TM9SF2: variants seen among roughly 807,000 people sequenced by gnomAD.
The protein encoded by TM9SF2 is transmembrane 9 superfamily member 2, also known as 76 kDa membrane protein.
In TM9SF2, 13 loss-of-function variants were observed where a neutral mutation model predicts 84.9. The observed-to-expected ratio is 0.15, with a 90% CI of 0.10 to 0.24. The LOEUF is 0.24. Among genes scored for constraint, TM9SF2 ranks in the 10% least tolerant of loss-of-function variants. The pLI is 1.00. For synonymous variants in TM9SF2, 273 were observed against 285.8 expected, an observed-to-expected ratio of 0.96 and a Z score of 0.45; for missense variants, 562 against 818.5, an observed-to-expected ratio of 0.69 and a Z score of 3.82.
intron 1 of TM9SF2, among the ~76,000 whole-genome samples, chr13:99,504,545 T>TAAAA (rs1157826042): frequency 6.6e-6 from 1 of 152,228 alleles, no homozygotes; most frequent in Non-Finnish European, 1.5e-5. Flanking sequence ...TTATGTACTG[T>TAAAA]AAAGTTTGTC....
chr13:99,510,859 G>A (rs1373066222), intron 1 of TM9SF2, among the ~76,000 whole-genome samples: 1 of 152,040 alleles, frequency 6.6e-6, no homozygotes, highest in Non-Finnish European at 1.5e-5. Flanking sequence ...GTATTATTTT[G>A]TCATCCAAAA....
At chr13:99,503,709 C>CAAAAAAA (rs386380419) in intron 1 of TM9SF2, among the ~76,000 whole-genome samples, 4 of 78,482 alleles carry the variant, frequency 5.1e-5, no homozygotes, top group Non-Finnish European at 7.6e-5. Flanking sequence ...GACTTTGTCT[C>CAAAAAAA]AAAAAAAAAA....
chr13:99,557,732 A>G (rs756854534), intron 15 of TM9SF2, among the ~76,000 whole-genome samples: 5 of 152,048 alleles, frequency 3.3e-5, no homozygotes, highest in Non-Finnish European at 7.4e-5. Context: ...AAAAAATAAC[A>G]AAATTAGCTG....
intron 16 of TM9SF2, 56 bp from the exon 17 acceptor site, chr13:99,562,635 T>G (rs1268432988): frequency 1.3e-6 from 2 of 1,544,546 alleles, no homozygotes; most frequent in Non-Finnish European, 1.8e-6. Flanking sequence ...TGTATTTTTG[T>G]GTAAAGTATG....
chr13:99,546,889 T>A, intron 10 of TM9SF2, 96 bp from the exon 11 acceptor site: 1 of 1,549,786 alleles, frequency 6.5e-7, no homozygotes, highest in East Asian at 2.3e-5. Context: ...AAGTTGTATT[T>A]TTTTCTTGTT....
At position 99,562,791 on chromosome 13, in the gene TM9SF2, AAATT is replaced by A. The variant is rs2046349776; in HGVS notation, c.*36_*39del. Reference sequence around the variant, plus strand: ...CAGTGTGTCCAGTTAAAACAGAAATAAATTAAACTCTTCATCAACAAAGACCTGT... The same window carrying A: ...CAGTGTGTCCAGTTAAAACAGAAATAAAACTCTTCATCAACAAAGACCTGT... On this transcript the variant is annotated 3_prime_UTR_variant, in exon 17 of 17. Transcript: ENST00000376387. 6.3e-7 allele frequency: 1 copy of A among 1,597,224 alleles called. No homozygotes were observed. Among genetic ancestry groups the A allele is most frequent in the Non-Finnish European group, 8.5e-7 (1 of 1,171,130 alleles).
intron 3 of TM9SF2, among the ~76,000 whole-genome samples, chr13:99,526,932 C>T (rs1255278950): frequency 1.3e-5 from 2 of 151,964 alleles, no homozygotes; most frequent in South Asian, 4.2e-4. Flanking sequence ...TCTGGCCCAG[C>T]GCTGGGGCCT....
intron 12 of TM9SF2, among the ~76,000 whole-genome samples, chr13:99,550,086 A>G (rs1272769110): frequency 6.6e-6 from 1 of 152,182 alleles, no homozygotes; most frequent in East Asian, 1.9e-4. Flanking sequence ...TTTCCTGCAG[A>G]ATCTCCGAAT....
At chr13:99,521,161 TG>T (rs2046158492) in intron 3 of TM9SF2, among the ~76,000 whole-genome samples, 1 of 152,190 alleles carries the variant, frequency 6.6e-6, no homozygotes, top group Non-Finnish European at 1.5e-5. Context: ...AAAAATTAAA[TG>T]ATGCAAAAGA....
chr13:99,521,552 A>G (rs1375421342), intron 3 of TM9SF2, among the ~76,000 whole-genome samples: 1 of 152,172 alleles, frequency 6.6e-6, no homozygotes, highest in African/African-American at 2.4e-5. Flanking sequence ...CAAATCCCGA[A>G]GCCTAGATTC....
intron 1 of TM9SF2, among the ~76,000 whole-genome samples, chr13:99,504,764 C>CT (rs774323239): frequency 3.3e-5 from 5 of 152,264 alleles, no homozygotes; most frequent in East Asian, 1.9e-4. Flanking sequence ...TCATGGCCTC[C>CT]TTTTTTTAAC....
chr13:99,532,253 T>A (rs2139090421), intron 4 of TM9SF2, among the ~76,000 whole-genome samples: 1 of 151,824 alleles, frequency 6.6e-6, no homozygotes, highest in South Asian at 2.1e-4. Context: ...GGTTTCACTG[T>A]GTTAGCCAGG....
intron 10 of TM9SF2, among the ~76,000 whole-genome samples, chr13:99,546,162 G>C (rs78153465): frequency 6.6e-6 from 1 of 152,062 alleles, no homozygotes; most frequent in African/African-American, 2.4e-5. Context: ...AGGTGTGTGC[G>C]CGTGCTTGCT....
At chr13:99,517,457 C>T (rs1044254397) in intron 1 of TM9SF2, among the ~76,000 whole-genome samples, 157 bp from the exon 2 acceptor site, 2 of 152,120 alleles carry the variant, frequency 1.3e-5, no homozygotes, top group Non-Finnish European at 2.9e-5. Context: ...TATATAAATC[C>T]AGTCAGTGAA....
chr13:99,547,472 C>T (rs2046287557), intron 11 of TM9SF2, among the ~76,000 whole-genome samples: 3 of 152,042 alleles, frequency 2.0e-5, no homozygotes, highest in Non-Finnish European at 4.4e-5. Flanking sequence ...ATTTTTTTCA[C>T]TAAAACAACT....
chr13:99,517,076 T>C (rs2046137867), intron 1 of TM9SF2, among the ~76,000 whole-genome samples: 1 of 152,162 alleles, frequency 6.6e-6, no homozygotes, highest in Non-Finnish European at 1.5e-5. Context: ...TTGGAGACAT[T>C]TGCAACTCTG....
rs1343550933 is a variant in TM9SF2 at position 99,539,482 on chromosome 13, A to T, written c.753A>T (p.Ser251=). ...KHTHIDKPDC[S]GPPMDISNKA... ...CCCATATAGATAAACCAGACTGCTCAGGGCCCCCCATGGACATAAGTAACA... is the reference window on the plus strand; with the variant it reads ...CCCATATAGATAAACCAGACTGCTCTGGGCCCCCCATGGACATAAGTAACA... Residue 251 remains serine (S), a synonymous_variant, in exon 7 of 17, where the codon TCA becomes TCT. Transcript: ENST00000376387. 2.5e-6 allele frequency: 4 copies of T among 1,613,550 alleles called. No individual in the cohort carries two copies. In the African/African-American group the frequency reaches 5.3e-5, roughly 22 times the overall value.
intron 11 of TM9SF2, among the ~76,000 whole-genome samples, chr13:99,548,036 G>A (rs1476001516): frequency 3.9e-5 from 6 of 152,102 alleles, no homozygotes; most frequent in Admixed American, 3.9e-4. Context: ...TTTACTAAAG[G>A]AGGTAGGATT....
chr13:99,507,534 G>C (rs967040193), intron 1 of TM9SF2, among the ~76,000 whole-genome samples: 5 of 152,084 alleles, frequency 3.3e-5, no homozygotes, highest in African/African-American at 1.2e-4. Context: ...GTATTTTTCA[G>C]GGCTTTGGGG....
Sources: allele counts gnomAD v4.1 joint callset (sites outside exome capture counted in the v4.1 genomes callset), GRCh38; gene constraint gnomAD v4.1.1; transcripts MANE v1.5; gene names NCBI Gene and HGNC (gene_info 2026-07-23, HGNC 2026-07-21).